LOXL4: variants seen among roughly 807,000 people sequenced by gnomAD.
LOXL4 encodes lysyl oxidase like 4.
Under a neutral mutation model 89.1 loss-of-function variants are expected in LOXL4, and 72 were observed. That is an observed-to-expected ratio of 0.81 (90% CI 0.67 to 0.98). LOXL4 has a LOEUF of 0.98. Among genes scored for constraint, LOXL4 ranks in the 50% least tolerant of loss-of-function variants. The probability of loss-of-function intolerance (pLI) is 0.00; values close to 1 mark genes in which losing one functional copy is unlikely to be tolerated. For missense variants in LOXL4, 984 were observed against 1,017.5 expected (o/e 0.97, Z 0.45); for synonymous variants, 355 against 392.1 (o/e 0.91, Z 1.12).
At chr10:98,253,911 A>ATT in intron 10 of LOXL4, 115 bp from the exon 11 acceptor site, 2 of 1,310,940 alleles carry the variant, frequency 1.5e-6, no homozygotes, top group Non-Finnish European at 2.1e-6. Context: ...GGACCCCACA[A>ATT]AAGAAGGGCA....
chr10:98,249,779 G>A (rs1031413742), intron 14 of LOXL4, among the ~76,000 whole-genome samples: 1 of 152,142 alleles, frequency 6.6e-6, no homozygotes, highest in Non-Finnish European at 1.5e-5. Flanking sequence ...TGCTGTCTCC[G>A]TGTGCGTAGC....
chr10:98,259,845 C>T (rs893189888), intron 4 of LOXL4, among the ~76,000 whole-genome samples: 14 of 152,164 alleles, frequency 9.2e-5, no homozygotes, highest in African/African-American at 2.4e-4. Flanking sequence ...GGCAAGTCAG[C>T]GAGACCCAGG....
At chr10:98,253,866 AG>A in intron 10 of LOXL4, 70 bp from the exon 11 acceptor site, 1 of 1,592,966 alleles carries the variant, frequency 6.3e-7, no homozygotes, top group Non-Finnish European at 8.5e-7. Flanking sequence ...TCCAGCACAG[AG>A]GGCAAGCTTG....
intron 14 of LOXL4, among the ~76,000 whole-genome samples, chr10:98,250,040 AG>A (rs1419045658): frequency 3.3e-5 from 5 of 152,194 alleles, no homozygotes; most frequent in African/African-American, 1.2e-4. Flanking sequence ...CCCTGCAAAA[AG>A]CTCTAGTACT....
At chr10:98,253,502 C>G (rs774613904) in intron 11 of LOXL4, 51 bp downstream of exon 11, 2 of 1,611,710 alleles carry the variant, frequency 1.2e-6, no homozygotes, top group South Asian at 2.2e-5. Flanking sequence ...CTCCCTGGAC[C>G]CTGCTTTTTG....
In LOXL4 at chr10:98,248,307, A is replaced by C. The variant is rs1411256450; in HGVS notation, c.*614T>G. On this transcript the variant is annotated 3_prime_UTR_variant, in exon 15 of 15. Coordinates refer to ENST00000260702, the MANE Select transcript of LOXL4 (RefSeq NM_032211.7). ...CCATCAGGCAATAAGGGGATGCCCGAGGTCTGTGCTTCCAAGGATAATAGA... is the reference window on the plus strand; with the variant it reads ...CCATCAGGCAATAAGGGGATGCCCGCGGTCTGTGCTTCCAAGGATAATAGA... 2.0e-5 allele frequency: 3 copies of C among 152,448 alleles called. 1 individual carries two copies. Among genetic ancestry groups the C allele is most frequent in the South Asian group, 4.1e-4 (2 of 4,836 alleles). 9.4% of individuals were successfully genotyped at this position (152,448 alleles called of 1,614,324 possible). A position where few individuals can be genotyped will look rare whatever the true frequency, so the allele number is the denominator to read the frequency against.
chr10:98,255,716 C>T lies in LOXL4; in HGVS notation c.1452G>A (p.Thr484=), dbSNP rs756777475. ...AYKETWFWSG[T]PRAQEVVMSG... ...TCATCACCACCTCCTGGGCCCTTGG[C>T]GTCCCCGACCAGAACCAGGTTTCCT... Residue 484 remains threonine, a synonymous_variant, in exon 10 of 15, where the codon ACG becomes ACA. Transcript: ENST00000260702. 1.4e-5 allele frequency: 22 copies of T among 1,611,780 alleles called. No homozygotes were observed. Among genetic ancestry groups the T allele is most frequent in the East Asian group, 6.7e-5 (3 of 44,812 alleles).
At chr10:98,261,989 C>CCCAGCCAG (rs1858554406) in intron 3 of LOXL4, 46 bp downstream of exon 3, 1 of 1,539,636 alleles carries the variant, frequency 6.5e-7, no homozygotes, top group Non-Finnish European at 8.7e-7. Flanking sequence ...TCTCTGTTCT[C>CCCAGCCAG]TGACCCAGCC....
chr10:98,248,925 A>G lies in LOXL4; in HGVS notation c.2267T>C (p.Ile756Thr). ...EQEQRLRNNL[I>T] Reference sequence around the variant, plus strand: ...TAGGAGTGTGCAGTGACAGCTTCAGATGAGGTTGTTCCTGAGACGCTGTTC... The same window carrying G: ...TAGGAGTGTGCAGTGACAGCTTCAGGTGAGGTTGTTCCTGAGACGCTGTTC... The change falls in exon 15 of 15, where the codon ATC (isoleucine) becomes ACC (threonine). Residue 756 changes from isoleucine (I) to threonine (T), a missense_variant. Transcript: ENST00000260702. 1 of 1,613,364 alleles carries G rather than the reference A, an allele frequency of 6.2e-7. No individual in the cohort carries two copies. The highest frequency in any genetic ancestry group is 1.7e-4 in the Middle Eastern group (1 of 6,058).
In LOXL4 at chr10:98,258,164, C is replaced by T. The variant is rs1858437908; in HGVS notation, c.922G>A (p.Glu308Lys). The stretch of plus-strand genomic sequence containing the variant: ...CCGGAGCGCAGGCGCACCCTCGGCT[C>T]CTGCTGGGAGAAACCTGCTTCAGGG... ...KPQRKGSWAEEPRVRLRSGAQ... is the reference protein window; with the variant it reads ...KPQRKGSWAEKPRVRLRSGAQ... Residue 308 changes from glutamate (E) to lysine (K), a missense_variant and splice_region_variant, in exon 7 of 15, where the codon GAG becomes AAG. Transcript: ENST00000260702. 3.1e-6 allele frequency: 5 copies of T among 1,608,844 alleles called. No homozygotes were observed. Among genetic ancestry groups the T allele is most frequent in the African/African-American group, 1.3e-5 (1 of 74,990 alleles).
chr10:98,249,430 G>A (rs1564754319), intron 14 of LOXL4, among the ~76,000 whole-genome samples: 1 of 152,202 alleles, frequency 6.6e-6, no homozygotes, highest in South Asian at 2.1e-4. Flanking sequence ...GGCAGTGATG[G>A]TCTGTGACTC....
At chr10:98,267,516 C>A (rs1473350043) in intron 1 of LOXL4, among the ~76,000 whole-genome samples, 1 of 152,150 alleles carries the variant, frequency 6.6e-6, no homozygotes, top group Non-Finnish European at 1.5e-5. Context: ...TGGCTCATCC[C>A]TTCTCTGCCG....
At chr10:98,264,729 C>T (rs1858636842) in intron 1 of LOXL4, among the ~76,000 whole-genome samples, 1 of 152,180 alleles carries the variant, frequency 6.6e-6, no homozygotes, top group African/African-American at 2.4e-5. Flanking sequence ...TCAGAGACCT[C>T]TGGAGCCACC....
At chr10:98,252,771 G>T (rs1027770991) in intron 11 of LOXL4, among the ~76,000 whole-genome samples, 3 of 152,200 alleles carry the variant, frequency 2.0e-5, no homozygotes, top group African/African-American at 4.8e-5. Context: ...GAACTGGGGG[G>T]AGAGGCGGGG....
chr10:98,258,204 G>A, intron 6 of LOXL4, 40 bp from the exon 7 acceptor site: 8 of 1,568,684 alleles, frequency 5.1e-6, no homozygotes, highest in Non-Finnish European at 6.1e-6. Flanking sequence ...CTGAGGAGGA[G>A]GCACCAGCAG....
chr10:98,254,333 A>G (rs1407830174), intron 10 of LOXL4, among the ~76,000 whole-genome samples: 2 of 152,218 alleles, frequency 1.3e-5, no homozygotes, highest in Admixed American at 1.3e-4. Context: ...AAAAATCACT[A>G]TCACTAAAGT....
chr10:98,260,984 GC>G lies in LOXL4; in HGVS notation c.599del (p.Ser200ThrfsTer27). 6.2e-7 allele frequency: 1 copy of G among 1,613,942 alleles called. No homozygotes were observed. Among genetic ancestry groups the G allele is most frequent in the Non-Finnish European group, 8.5e-7 (1 of 1,180,028 alleles). On this transcript the variant is annotated frameshift_variant, in exon 4 of 15. Coordinates refer to ENST00000260702, the MANE Select transcript of LOXL4 (RefSeq NM_032211.7). LOFTEE classifies it high-confidence loss of function. ...VCDQGWTMNN[S>X]RVVCGMLGFP... ...AGCCCAGCATCCCGCACACCACCCT[GC>G]TGTTGTTCATGGTCCAGCCCTGGTC...
intron 9 of LOXL4, chr10:98,256,083 C>A: frequency 4.2e-6 from 1 of 235,866 alleles, no homozygotes; most frequent in African/African-American, 2.3e-5. Context: ...CCTCAAGCGG[C>A]CCAGATCGTC....
At chr10:98,262,642 C>T (rs1858577497) in intron 2 of LOXL4, 101 bp downstream of exon 2, 7 of 1,421,984 alleles carry the variant, frequency 4.9e-6, no homozygotes, top group Non-Finnish European at 6.8e-6. Context: ...GAGGAGGTCA[C>T]ATGAGCAGGG....
Sources: allele counts gnomAD v4.1 joint callset (sites outside exome capture counted in the v4.1 genomes callset), GRCh38; gene constraint gnomAD v4.1.1; transcripts MANE v1.5; gene names NCBI Gene and HGNC (gene_info 2026-07-23, HGNC 2026-07-21).